Variants in CACNA1E observed in about 807,000 individuals in gnomAD.
The protein encoded by CACNA1E is calcium voltage-gated channel subunit alpha1 E, also known as voltage-dependent R-type calcium channel subunit alpha-1E.
CACNA1E carries 40 observed loss-of-function variants against 259.2 expected under a neutral mutation model. That is an observed-to-expected ratio of 0.15 (90% CI 0.12 to 0.20). CACNA1E has a LOEUF of 0.20. Ranked by LOEUF, CACNA1E falls within the 10% of genes least tolerant of loss-of-function variation. The pLI, the probability that CACNA1E is intolerant of heterozygous loss-of-function variation, is 1.00. For synonymous variants in CACNA1E, 1,104 were observed against 1,138.5 expected, an observed-to-expected ratio of 0.97 and a Z score of 0.61; for missense variants, 1,874 against 3,040.1, an observed-to-expected ratio of 0.62 and a Z score of 9.02.
intron 10 of CACNA1E, 150 bp from the exon 11 acceptor site, chr1:181,716,943 C>T: frequency 1.5e-6 from 1 of 648,036 alleles, no homozygotes. Flanking sequence ...ATAGAAACTA[C>T]TGAGCCCGTA....
chr1:181,519,097 C>T (rs941612756), intron 3 of CACNA1E, among the ~76,000 whole-genome samples: 1 of 152,118 alleles, frequency 6.6e-6, no homozygotes, highest in Admixed American at 6.5e-5. Flanking sequence ...TGTGCTTGTG[C>T]ATGAGTGTAT....
At chr1:181,564,819 A>G (rs1007884469) in intron 3 of CACNA1E, among the ~76,000 whole-genome samples, 2 of 152,200 alleles carry the variant, frequency 1.3e-5, no homozygotes, top group African/African-American at 4.8e-5. Context: ...TATGAAAACC[A>G]CATTAATCTT....
chr1:181,346,351 T>C (rs1438007854), intron 1 of CACNA1E, among the ~76,000 whole-genome samples: 2 of 152,262 alleles, frequency 1.3e-5, no homozygotes. Flanking sequence ...TGTTGTACTT[T>C]AAAAACATTT....
chr1:181,627,096 A>G (rs1656271750), intron 6 of CACNA1E, among the ~76,000 whole-genome samples: 1 of 152,234 alleles, frequency 6.6e-6, no homozygotes, highest in African/African-American at 2.4e-5. Context: ...AGTTAGAAGA[A>G]ACAAATCCTA....
intron 3 of CACNA1E, among the ~76,000 whole-genome samples, chr1:181,513,544 C>A (rs1466411302): frequency 6.6e-6 from 1 of 152,154 alleles, no homozygotes; most frequent in African/African-American, 2.4e-5. Context: ...AGACATTTTA[C>A]AAGGTTGAAG....
intron 6 of CACNA1E, among the ~76,000 whole-genome samples, chr1:181,634,416 G>A (rs1233748837): frequency 6.6e-6 from 1 of 152,176 alleles, no homozygotes; most frequent in African/African-American, 2.4e-5. Context: ...GAGAGAAAGC[G>A]AGACTGTCTT....
intron 1 of CACNA1E, among the ~76,000 whole-genome samples, chr1:181,393,980 G>A (rs1656476566): frequency 6.6e-6 from 1 of 152,178 alleles, no homozygotes; most frequent in Non-Finnish European, 1.5e-5. Context: ...GCCTGAACCT[G>A]GGGATAGGAA....
chr1:181,414,545 G>C (rs985091680), intron 2 of CACNA1E, among the ~76,000 whole-genome samples: 2 of 152,168 alleles, frequency 1.3e-5, no homozygotes, highest in African/African-American at 4.8e-5. Context: ...ATTCAGAGAG[G>C]AGTTGGGCAC....
intron 1 of CACNA1E, among the ~76,000 whole-genome samples, chr1:181,348,238 A>T (rs567380164): frequency 6.6e-6 from 1 of 151,286 alleles, no homozygotes; most frequent in Admixed American, 6.6e-5. Flanking sequence ...TTCATTCCAG[A>T]TGTGGGCACG....
At chr1:181,341,430 C>T (rs1271217195) in intron 1 of CACNA1E, among the ~76,000 whole-genome samples, 1 of 152,210 alleles carries the variant, frequency 6.6e-6, no homozygotes, top group East Asian at 1.9e-4. Context: ...TAATGAAACA[C>T]CCCCACCTTC....
upstream of CACNA1E, among the ~76,000 whole-genome samples, chr1:181,483,102 G>A (rs1345742011): frequency 6.6e-6 from 1 of 152,214 alleles, no homozygotes; most frequent in African/African-American, 2.4e-5. Flanking sequence ...CCAACCTTTG[G>A]ATGCGTCTCT....
intron 42 of CACNA1E, 147 bp downstream of exon 42, chr1:181,785,565 G>C: frequency 1.2e-6 from 1 of 863,834 alleles, no homozygotes. Context: ...CTAGTGACGT[G>C]GAATTAGAAA....
Position 181,785,906 on chromosome 1 carries a change from A to G in CACNA1E, c.5786+87A>G. 7.5e-6 allele frequency: 6 copies of G among 795,328 alleles called. No homozygotes were observed. The South Asian group carries it at 1.0e-4, about 13-fold the overall frequency. The allele number at this position is 795,328 out of a possible 1,614,324, so 49.3% of individuals were successfully genotyped here. A position where few individuals can be genotyped will look rare whatever the true frequency, so the allele number is the denominator to read the frequency against. ...CAGACCCCAAAACTCACTGCTCAGA[A>G]GGGCCCAAGAACAAATACTCTGAGC... On this transcript the variant is annotated intron_variant, in intron 43 of 47. Coordinates refer to ENST00000367573, the MANE Select transcript of CACNA1E (RefSeq NM_001205293.3).
intron 3 of CACNA1E, among the ~76,000 whole-genome samples, chr1:181,576,627 T>A (rs2102963542): frequency 6.6e-6 from 1 of 152,354 alleles, no homozygotes; most frequent in Non-Finnish European, 1.5e-5. Context: ...ACCCTTTGAC[T>A]ATAGAGGAAC....
At chr1:181,489,846 C>G (rs1030730101) in intron 1 of CACNA1E, among the ~76,000 whole-genome samples, 1 of 152,194 alleles carries the variant, frequency 6.6e-6, no homozygotes, top group African/African-American at 2.4e-5. Context: ...CTACCACCAC[C>G]ACGATGTGGC....
At chr1:181,731,726 G>C (rs1462249251) in intron 19 of CACNA1E, among the ~76,000 whole-genome samples, 1 of 152,048 alleles carries the variant, frequency 6.6e-6, no homozygotes, top group East Asian at 1.9e-4. Flanking sequence ...TGCTCCTCTA[G>C]GCCCCTGGGC....
At chr1:181,715,790 C>T (rs766195262) in intron 9 of CACNA1E, among the ~76,000 whole-genome samples, 3 of 152,032 alleles carry the variant, frequency 2.0e-5, no homozygotes, top group Non-Finnish European at 2.9e-5. Flanking sequence ...TGTTTACCTC[C>T]TGCATTTAGA....
At chr1:181,406,991 A>G (rs79369604) in intron 1 of CACNA1E, among the ~76,000 whole-genome samples, 3,859 of 152,338 alleles carry the variant, frequency 0.025, 76 homozygotes, top group South Asian at 0.048. Flanking sequence ...AGCAAGTGGC[A>G]GAAATGTAGC....
At chr1:181,606,178 C>G (rs947482130) in intron 6 of CACNA1E, among the ~76,000 whole-genome samples, 1 of 152,138 alleles carries the variant, frequency 6.6e-6, no homozygotes, top group African/African-American at 2.4e-5. Context: ...CAGCCCAGAA[C>G]TCTCTTCTGA....
Sources: allele counts gnomAD v4.1 joint callset (sites outside exome capture counted in the v4.1 genomes callset), GRCh38; gene constraint gnomAD v4.1.1; transcripts MANE v1.5; gene names NCBI Gene and HGNC (gene_info 2026-07-23, HGNC 2026-07-21).